Variants in PAN3 observed in about 807,000 individuals in gnomAD.
The protein encoded by PAN3 is poly(A) specific ribonuclease subunit PAN3, also known as PAN2-PAN3 deadenylation complex subunit PAN3.
PAN3 carries 19 observed loss-of-function variants against 96.2 expected under a neutral mutation model. That is an observed-to-expected ratio of 0.20 (90% CI 0.14 to 0.29). The LOEUF is 0.29. Among genes scored for constraint, PAN3 ranks in the 10% least tolerant of loss-of-function variants. PAN3 has a pLI of 1.00. For synonymous variants in PAN3, 433 were observed against 406.6 expected (o/e 1.06, Z -0.78); for missense variants, 882 against 1,108.1 (o/e 0.80, Z 2.90).
intron 1 of PAN3, among the ~76,000 whole-genome samples, chr13:28,168,802 A>G (rs1315173221): frequency 6.6e-6 from 1 of 152,078 alleles, no homozygotes; most frequent in Non-Finnish European, 1.5e-5. Flanking sequence ...GCAGATCATG[A>G]GGTCAGGAGA....
At chr13:28,256,605 G>A (rs548957847) in intron 7 of PAN3, 66 bp downstream of exon 7, 78 of 1,476,816 alleles carry the variant, frequency 5.3e-5, no homozygotes, top group South Asian at 4.5e-4. Context: ...GTTGTGAGGC[G>A]GTCTACCCCC....
intron 5 of PAN3, among the ~76,000 whole-genome samples, chr13:28,213,340 G>C (rs1029460337): frequency 5.3e-5 from 8 of 152,116 alleles, no homozygotes; most frequent in Non-Finnish European, 8.8e-5. Flanking sequence ...TATCTGCAGA[G>C]GAGCTGGAGG....
chr13:28,152,964 A>G (rs936348127), intron 1 of PAN3, among the ~76,000 whole-genome samples: 3 of 152,184 alleles, frequency 2.0e-5, no homozygotes, highest in Admixed American at 6.5e-5. Flanking sequence ...GTCAGTATTC[A>G]TTAAAATTTA....
intron 1 of PAN3, among the ~76,000 whole-genome samples, chr13:28,169,222 C>CT (rs202200725): frequency 0.045 from 3,364 of 74,942 alleles, 171 homozygotes; most frequent in African/African-American, 0.048. Context: ...TTTTTGTTTG[C>CT]TTTTTTTTTT....
At chr13:28,140,522 A>G (rs1055989670) in intron 1 of PAN3, among the ~76,000 whole-genome samples, 1 of 152,162 alleles carries the variant, frequency 6.6e-6, no homozygotes, top group African/African-American at 2.4e-5. Context: ...TATGAGGATT[A>G]TTTAATATCT....
At position 28,293,586 on chromosome 13, in the gene PAN3, A is replaced by G. The variant is rs1332036295; in HGVS notation, c.*1064A>G. The G allele has an allele frequency of 6.6e-6, 1 of 152,356 alleles. No homozygotes were observed. Among genetic ancestry groups the G allele is most frequent in the Non-Finnish European group, 1.5e-5 (1 of 67,982 alleles). The allele number at this position is 152,356 out of a possible 1,614,324, so 9.4% of individuals were successfully genotyped here. A position where few individuals can be genotyped will look rare whatever the true frequency, so the allele number is the denominator to read the frequency against. The stretch of plus-strand genomic sequence containing the variant: ...ACAGCCTGAATTTGGAGGGATAACG[A>G]TCTGCTGTGCCTTTGCAGTCACTGC... On this transcript the variant is annotated 3_prime_UTR_variant, in exon 19 of 19. Transcript: ENST00000380958.
intron 6 of PAN3, among the ~76,000 whole-genome samples, chr13:28,249,131 C>G (rs956409581): frequency 2.6e-5 from 4 of 152,042 alleles, no homozygotes; most frequent in African/African-American, 9.7e-5. Context: ...TTTACTTGTC[C>G]TATCTTTTAT....
At chr13:28,289,877 G>A (rs749459923) in intron 18 of PAN3, among the ~76,000 whole-genome samples, 17 of 151,586 alleles carry the variant, frequency 1.1e-4, no homozygotes, top group African/African-American at 2.2e-4. Context: ...GCGAGACTCC[G>A]TCTCAAAAAA....
intron 4 of PAN3, among the ~76,000 whole-genome samples, chr13:28,193,657 C>G (rs1326679371): frequency 6.9e-6 from 1 of 145,952 alleles, no homozygotes; most frequent in African/African-American, 2.5e-5. Flanking sequence ...GTGGGAGGAT[C>G]TCTTGAGCCT....
chr13:28,222,269 T>C lies in PAN3; in HGVS notation c.1000+1891T>C, dbSNP rs149262009. ...AGGTAGGTATATTCATTGGTCCCAA[T>C]TGGACCTCACAATAGAAACTTAGGG... On this transcript the variant is annotated intron_variant, in intron 6 of 18. Coordinates refer to ENST00000380958, the MANE Select transcript of PAN3 (RefSeq NM_175854.8). Among the ~76,000 whole-genome samples the C allele has an allele frequency of 4.4e-3, 666 of 152,236 alleles. 9 individuals carry two copies. Among genetic ancestry groups the C allele is most frequent in the African/African-American group, 0.015 (630 of 41,560 alleles).
At position 28,246,516 on chromosome 13, in the gene PAN3, C is replaced by G. The variant is rs1884205261; in HGVS notation, c.1001-9776C>G. 2.6e-5 allele frequency among the ~76,000 whole-genome samples: 4 copies of G among 152,130 alleles called. No individual in the cohort carries two copies. In the South Asian group the frequency reaches 6.2e-4, roughly 24 times the overall value. On this transcript the variant is annotated intron_variant, in intron 6 of 18. Transcript: ENST00000380958. ...GTAGTCACCTCCTATACTATTGAAC[C>G]CTAAGTCTTATTCCTTCTAACTGTA...
At chr13:28,178,327 C>T (rs762753859) in intron 4 of PAN3, among the ~76,000 whole-genome samples, 3 of 152,052 alleles carry the variant, frequency 2.0e-5, no homozygotes, top group Non-Finnish European at 4.4e-5. Context: ...TAATTTACTC[C>T]TGATTACAAG....
chr13:28,274,518 G>A (rs965550434), intron 14 of PAN3, among the ~76,000 whole-genome samples: 14 of 149,144 alleles, frequency 9.4e-5, no homozygotes, highest in African/African-American at 3.2e-4. Context: ...AACTGCACAC[G>A]CTCCTCATTC....
rs756558575 is a variant in PAN3 at position 28,294,527 on chromosome 13, T to C, written c.*2005T>C. The C allele has an allele frequency of 6.6e-6, 1 of 152,610 alleles. No individual in the cohort carries two copies. The highest frequency in any genetic ancestry group is 1.5e-5 in the Non-Finnish European group (1 of 68,034). 9.5% of individuals were successfully genotyped at this position (152,610 alleles called of 1,614,324 possible). A position where few individuals can be genotyped will look rare whatever the true frequency, so the allele number is the denominator to read the frequency against. ...TGAAAGGGGATCATCTATTTTAGTT[T>C]TGGGGTCTGGGAACTTTTTGAAAAT... On this transcript the variant is annotated 3_prime_UTR_variant, in exon 19 of 19. Transcript: ENST00000380958.
At chr13:28,179,317 G>A (rs190046214) in intron 4 of PAN3, among the ~76,000 whole-genome samples, 4 of 152,334 alleles carry the variant, frequency 2.6e-5, no homozygotes, top group Non-Finnish European at 5.9e-5. Flanking sequence ...GCTGAAAAGC[G>A]AATACAACCT....
intron 5 of PAN3, among the ~76,000 whole-genome samples, chr13:28,218,799 A>G (rs1881080836): frequency 6.6e-6 from 1 of 152,196 alleles, no homozygotes. Flanking sequence ...GGAACACACT[A>G]AAAGTATTCA....
chr13:28,280,344 G>C (rs1887367052), intron 15 of PAN3, 68 bp from the exon 16 acceptor site: 3 of 1,512,838 alleles, frequency 2.0e-6, no homozygotes. Context: ...AAACAGCTAT[G>C]TTTGGGTTAT....
At chr13:28,153,885 A>G (rs1399036346) in intron 1 of PAN3, among the ~76,000 whole-genome samples, 1 of 152,234 alleles carries the variant, frequency 6.6e-6, no homozygotes, top group African/African-American at 2.4e-5. Flanking sequence ...GTGACAAGTA[A>G]GCTGGTTTTA....
intron 6 of PAN3, among the ~76,000 whole-genome samples, chr13:28,237,729 A>G (rs1201472925): frequency 2.0e-5 from 3 of 152,138 alleles, no homozygotes; most frequent in Admixed American, 1.3e-4. Context: ...CCTTTTTTAT[A>G]TTTTTAATCA....
Sources: gnomAD v4.1 joint callset for allele counts (sites outside exome capture counted in the v4.1 genomes callset) on GRCh38, gnomAD v4.1.1 for gene constraint, MANE v1.5 for transcripts, NCBI Gene and HGNC (gene_info 2026-07-23, HGNC 2026-07-21) for gene names.